The following SORCS3 variants were observed in gnomAD, a reference collection of about 807,000 sequenced individuals.
The protein encoded by SORCS3 is sortilin related VPS10 domain containing receptor 3.
Under a neutral mutation model 146.3 loss-of-function variants are expected in SORCS3, and 57 were observed. The ratio of observed to expected loss-of-function variants is 0.39; its 90% CI spans 0.31 to 0.49. The LOEUF (loss-of-function observed/expected upper bound fraction) is 0.49. Ranked by LOEUF, SORCS3 falls within the 20% of genes least tolerant of loss-of-function variation. SORCS3 has a pLI of 0.92. For missense variants in SORCS3, 1,341 were observed against 1,575.5 expected (o/e 0.85, Z 2.52); for synonymous variants, 653 against 618.5 (o/e 1.06, Z -0.83).
chr10:105,007,891 T>C lies in SORCS3; in HGVS notation c.954+30398T>C, dbSNP rs556705053. Among the ~76,000 whole-genome samples, 7 of 152,220 alleles carry C rather than the reference T, an allele frequency of 4.6e-5. No homozygotes were observed. The East Asian group carries it at 9.7e-4, about 21-fold the overall frequency. On this transcript the variant is annotated intron_variant, in intron 4 of 26. Coordinates refer to ENST00000369701, the MANE Select transcript of SORCS3 (RefSeq NM_014978.3). ...GACATAAGCTAGAACTCCAGAAATA[T>C]GGGGACCTCTTTCCTGGGAAGAAGT...
chr10:104,913,750 C>T (rs2018994307), intron 2 of SORCS3, among the ~76,000 whole-genome samples: 1 of 147,038 alleles, frequency 6.8e-6, no homozygotes. Flanking sequence ...CCTCATGAGA[C>T]TAAATTATCC....
intron 1 of SORCS3, among the ~76,000 whole-genome samples, chr10:104,719,441 C>G (rs2016518003): frequency 1.3e-5 from 2 of 152,170 alleles, no homozygotes; most frequent in African/African-American, 4.8e-5. Flanking sequence ...TTCCGTATTC[C>G]TTGACTCTGA....
Position 104,913,957 on chromosome 10 carries a change from C to T in SORCS3, c.696-1876C>T, listed in dbSNP as rs537041973. The stretch of plus-strand genomic sequence containing the variant: ...CTAATTTTTATATTTTTAGTAGAGA[C>T]GGGGTTTCACCATCTTGGCCAGGCT... On this transcript the variant is annotated intron_variant, in intron 2 of 26. Transcript: ENST00000369701. Among the ~76,000 whole-genome samples, 32 of 151,732 alleles carry T rather than the reference C, an allele frequency of 2.1e-4. 1 individual carries two copies. The highest frequency in any genetic ancestry group is 5.3e-4 in the Admixed American group (8 of 15,226).
chr10:104,966,020 T>C (rs935154140), intron 3 of SORCS3, among the ~76,000 whole-genome samples: 6 of 152,156 alleles, frequency 3.9e-5, no homozygotes, highest in African/African-American at 1.2e-4. Flanking sequence ...GTAGTTTACA[T>C]ATTTTACTTG....
At chr10:105,103,847 A>G (rs1384896518) in intron 6 of SORCS3, among the ~76,000 whole-genome samples, 1 of 152,236 alleles carries the variant, frequency 6.6e-6, no homozygotes, top group Non-Finnish European at 1.5e-5. Flanking sequence ...TTAAAGTAGC[A>G]TCATGTTTCT....
intron 1 of SORCS3, among the ~76,000 whole-genome samples, chr10:104,729,448 A>G (rs538753847): frequency 6.6e-6 from 1 of 152,328 alleles, no homozygotes; most frequent in African/African-American, 2.4e-5. Flanking sequence ...ATTTCCTTTA[A>G]TCAATGACAA....
At chr10:104,807,847 G>T (rs962770381) in intron 1 of SORCS3, among the ~76,000 whole-genome samples, 1 of 152,164 alleles carries the variant, frequency 6.6e-6, no homozygotes, top group African/African-American at 2.4e-5. Flanking sequence ...AAAAGGCTTC[G>T]TAATTTACTT....
At chr10:105,188,892 C>T (rs1470107229) in intron 14 of SORCS3, among the ~76,000 whole-genome samples, 1 of 152,164 alleles carries the variant, frequency 6.6e-6, no homozygotes, top group Non-Finnish European at 1.5e-5. Context: ...GGTTACCTAG[C>T]AATGGCTAAT....
intron 14 of SORCS3, among the ~76,000 whole-genome samples, chr10:105,184,952 T>G (rs575253871): frequency 6.6e-6 from 1 of 152,312 alleles, no homozygotes; most frequent in Non-Finnish European, 1.5e-5. Flanking sequence ...TTATGTGCAT[T>G]GAAGAACTCT....
intron 11 of SORCS3, among the ~76,000 whole-genome samples, chr10:105,162,070 C>T (rs1359768635): frequency 2.0e-5 from 3 of 152,160 alleles, no homozygotes; most frequent in African/African-American, 7.2e-5. Flanking sequence ...CTGTAGCCAC[C>T]CTGTATGGGC....
At chr10:105,022,703 G>A (rs1487312723) in intron 4 of SORCS3, among the ~76,000 whole-genome samples, 2 of 152,178 alleles carry the variant, frequency 1.3e-5, no homozygotes, top group Non-Finnish European at 2.9e-5. Context: ...GACACACTGG[G>A]AGTGTGGGGA....
chr10:105,243,132 G>A (rs914370946), intron 20 of SORCS3, among the ~76,000 whole-genome samples: 22 of 144,998 alleles, frequency 1.5e-4, no homozygotes, highest in African/African-American at 4.9e-4. Context: ...TCTTTTTAAC[G>A]AATGTAGCAA....
chr10:104,893,528 T>C (rs765777653), intron 2 of SORCS3, among the ~76,000 whole-genome samples: 88 of 152,208 alleles, frequency 5.8e-4, no homozygotes, highest in Non-Finnish European at 1.1e-3. Context: ...TGGCATGTAC[T>C]GGCTGTTTTC....
At chr10:104,812,493 A>C (rs763526106) in intron 1 of SORCS3, among the ~76,000 whole-genome samples, 3 of 152,218 alleles carry the variant, frequency 2.0e-5, no homozygotes, top group Admixed American at 6.5e-5. Context: ...TGCCTTTTCT[A>C]CCTCTACTTC....
chr10:104,846,737 T>C (rs1215494251), intron 2 of SORCS3, among the ~76,000 whole-genome samples: 1 of 152,224 alleles, frequency 6.6e-6, no homozygotes, highest in African/African-American at 2.4e-5. Flanking sequence ...AGAGTAGTTA[T>C]GTAAATTTGT....
At chr10:105,236,948 A>G (rs186828396) in intron 20 of SORCS3, among the ~76,000 whole-genome samples, 5 of 152,236 alleles carry the variant, frequency 3.3e-5, no homozygotes, top group Admixed American at 2.6e-4. Context: ...CTATCTATCT[A>G]TCTACTACCT....
In SORCS3 at chr10:105,259,852, T is replaced by A. The variant is rs982887743; in HGVS notation, c.3444-2479T>A. 3.9e-5 allele frequency among the ~76,000 whole-genome samples: 6 copies of A among 152,188 alleles called. No individual in the cohort carries two copies. The South Asian group carries it at 1.0e-3, about 26-fold the overall frequency. ...ACAAACTGCAGTTGGGTTTTGTTTTTTGTTTTTAGAGGGAGACTTGAGCCT... is the reference window on the plus strand; with the variant it reads ...ACAAACTGCAGTTGGGTTTTGTTTTATGTTTTTAGAGGGAGACTTGAGCCT... On this transcript the variant is annotated intron_variant, in intron 25 of 26. Coordinates refer to ENST00000369701, the MANE Select transcript of SORCS3 (RefSeq NM_014978.3).
At chr10:105,218,872 G>A (rs1014572636) in intron 19 of SORCS3, among the ~76,000 whole-genome samples, 2 of 152,046 alleles carry the variant, frequency 1.3e-5, no homozygotes, top group South Asian at 2.1e-4. Context: ...AAAATTAGCC[G>A]GGCGTTTTGG....
At chr10:105,089,046 A>G (rs2055683306) in intron 5 of SORCS3, among the ~76,000 whole-genome samples, 1 of 152,120 alleles carries the variant, frequency 6.6e-6, no homozygotes, top group African/African-American at 2.4e-5. Context: ...CTAGGTCTCT[A>G]ATTTAGGAGA....
Sources: allele counts gnomAD v4.1 joint callset (sites outside exome capture counted in the v4.1 genomes callset), GRCh38; gene constraint gnomAD v4.1.1; transcripts MANE v1.5; gene names NCBI Gene and HGNC (gene_info 2026-07-23, HGNC 2026-07-21).